Variants in CLMP observed in about 807,000 individuals in gnomAD.
CLMP encodes CXADR like cell adhesion molecule.
In CLMP, 27 loss-of-function variants were observed where a neutral mutation model predicts 45.2. That is an observed-to-expected ratio of 0.60 (90% confidence interval 0.44 to 0.82). CLMP has a LOEUF of 0.82. CLMP is among the 40% of genes least tolerant of loss of function. The pLI is 0.00. For missense variants in CLMP, 403 were observed against 448.4 expected (o/e 0.90, Z 0.91); for synonymous variants, 167 against 171.4 (o/e 0.97, Z 0.20).
rs114786978 is a variant in CLMP, at chr11:123,178,361, G to A, written c.28+16552C>T. ...ATGGTTTAAATGGGAGAATATCCAA[G>A]TGTGCATCATTCCTCACTTGGATTC... On this transcript the variant is annotated intron_variant, in intron 1 of 6. Transcript: ENST00000448775. Among the ~76,000 whole-genome samples, 633 of 152,308 alleles carry A rather than the reference G, an allele frequency of 4.2e-3. 7 individuals carry two copies. The highest frequency in any genetic ancestry group is 0.013 in the African/African-American group (551 of 41,554).
At chr11:123,078,794 G>A (rs544106990) in intron 5 of CLMP, among the ~76,000 whole-genome samples, 176 of 151,894 alleles carry the variant, frequency 1.2e-3, no homozygotes, top group African/African-American at 3.7e-3. Flanking sequence ...ACAGGTGCCT[G>A]CCACCACGCC....
chr11:123,091,564 G>A (rs12361252), intron 2 of CLMP, among the ~76,000 whole-genome samples: 43,664 of 152,056 alleles, frequency 0.29, 7,326 homozygotes, highest in African/African-American at 0.47. Flanking sequence ...GACTGTCTCC[G>A]TTATTTTGAC....
chr11:123,117,742 C>T (rs555301260), intron 1 of CLMP, among the ~76,000 whole-genome samples: 3 of 152,202 alleles, frequency 2.0e-5, no homozygotes, highest in South Asian at 4.1e-4. Context: ...CTTTCATCCG[C>T]TATAAATACA....
At position 123,145,452 on chromosome 11, in the gene CLMP, G is replaced by GTTTT. The variant is rs66487810; in HGVS notation, c.29-47504_29-47501dup. On this transcript the variant is annotated intron_variant, in intron 1 of 6. Transcript: ENST00000448775. ...CATGAGTGGGTTCAGCTCTGCGGCT[G>GTTTT]TTTTTTTTTTTTTTTTTTTTTTTTT... Among the ~76,000 whole-genome samples the GTTTT allele has an allele frequency of 2.0e-3, 121 of 61,754 alleles. 4 individuals are homozygous for GTTTT. Among genetic ancestry groups the GTTTT allele is most frequent in the African/African-American group, 7.7e-3 (110 of 14,368 alleles). The allele number at this position is 61,754 out of a possible 152,430, so 40.5% of individuals were successfully genotyped here.
intron 1 of CLMP, among the ~76,000 whole-genome samples, chr11:123,173,862 G>A (rs7937350): frequency 1.3e-5 from 2 of 152,212 alleles, no homozygotes; most frequent in East Asian, 1.9e-4. Context: ...TGGGTGGATC[G>A]CTTGAGCTCA....
At chr11:123,156,458 A>G (rs1177718222) in intron 1 of CLMP, among the ~76,000 whole-genome samples, 4 of 152,212 alleles carry the variant, frequency 2.6e-5, no homozygotes, top group African/African-American at 9.6e-5. Context: ...CGCCTAGCTA[A>G]GCTGCTTCTG....
intron 1 of CLMP, among the ~76,000 whole-genome samples, chr11:123,150,512 G>GAAGGAAAGC (rs1861313951): frequency 2.3e-5 from 3 of 128,170 alleles, no homozygotes; most frequent in Non-Finnish European, 4.9e-5. Context: ...AGGAAGGAAG[G>GAAGGAAAGC]AAGGAAGGAA....
At chr11:123,094,089 G>A (rs1315383504) in intron 2 of CLMP, among the ~76,000 whole-genome samples, 1 of 152,120 alleles carries the variant, frequency 6.6e-6, no homozygotes, top group Admixed American at 6.6e-5. Context: ...AGGCACTGAG[G>A]TCAGGGTGCC....
chr11:123,105,992 T>G (rs1396196844), intron 1 of CLMP, among the ~76,000 whole-genome samples: 1 of 152,080 alleles, frequency 6.6e-6, no homozygotes, highest in Non-Finnish European at 1.5e-5. Flanking sequence ...AATTTTTGTA[T>G]TTTTAGTAGA....
At position 123,100,738 on chromosome 11, in the gene CLMP, G is replaced by T. The variant is rs1055812431; in HGVS notation, c.29-2786C>A. Among the ~76,000 whole-genome samples the T allele has an allele frequency of 3.9e-5, 6 of 152,110 alleles. No individual in the cohort carries two copies. The South Asian group carries it at 6.3e-4, about 16-fold the overall frequency. On this transcript the variant is annotated intron_variant, in intron 1 of 6. Transcript: ENST00000448775. ...AAATGAAGCTCTTGGAAACACTTCTGTTCCATCCATTGTGCCTGGGCTAAA... is the reference window on the plus strand; with the variant it reads ...AAATGAAGCTCTTGGAAACACTTCTTTTCCATCCATTGTGCCTGGGCTAAA...
intron 1 of CLMP, among the ~76,000 whole-genome samples, chr11:123,125,527 C>T (rs1187867705): frequency 9.6e-6 from 1 of 103,932 alleles, no homozygotes; most frequent in Non-Finnish European, 2.0e-5. Flanking sequence ...CCTTCCCTTC[C>T]CTTCCCTCCC....
At chr11:123,115,492 C>G (rs1860708103) in intron 1 of CLMP, among the ~76,000 whole-genome samples, 1 of 151,986 alleles carries the variant, frequency 6.6e-6, no homozygotes. Context: ...TCAGAAACTA[C>G]ATGTCATTAA....
chr11:123,130,841 CTTTTTTT>C (rs11322192), intron 1 of CLMP, among the ~76,000 whole-genome samples: 1 of 126,282 alleles, frequency 7.9e-6, no homozygotes, highest in Admixed American at 8.4e-5. Flanking sequence ...TTTTCTTTTC[CTTTTTTT>C]TTTTTTTTTT....
At chr11:123,158,196 C>A (rs191955219) in intron 1 of CLMP, among the ~76,000 whole-genome samples, 1 of 152,322 alleles carries the variant, frequency 6.6e-6, no homozygotes, top group Non-Finnish European at 1.5e-5. Context: ...ACTGGGATCT[C>A]AGGCAAGTCA....
At chr11:123,194,830 C>A in intron 1 of CLMP, 83 bp downstream of exon 1, 2 of 1,548,234 alleles carry the variant, frequency 1.3e-6, no homozygotes, top group African/African-American at 1.4e-5. Context: ...CAGGGACACC[C>A]GGTCAGAACC....
chr11:123,075,587 C>T (rs1398602832), intron 5 of CLMP, among the ~76,000 whole-genome samples: 1 of 151,654 alleles, frequency 6.6e-6, no homozygotes, highest in Non-Finnish European at 1.5e-5. Flanking sequence ...CGGGGTTTCA[C>T]CGTGTTAGCC....
At chr11:123,173,952 G>A (rs1023206818) in intron 1 of CLMP, among the ~76,000 whole-genome samples, 1 of 152,070 alleles carries the variant, frequency 6.6e-6, no homozygotes, top group African/African-American at 2.4e-5. Context: ...GCATGGTGGT[G>A]CATACCTGTA....
At chr11:123,151,070 G>A (rs989868839) in intron 1 of CLMP, among the ~76,000 whole-genome samples, 2 of 152,132 alleles carry the variant, frequency 1.3e-5, no homozygotes, top group South Asian at 2.1e-4. Flanking sequence ...CAGGTGTTTC[G>A]GTGGCTCCTG....
intron 1 of CLMP, among the ~76,000 whole-genome samples, chr11:123,170,949 C>T (rs1347415341): frequency 6.6e-6 from 1 of 152,214 alleles, no homozygotes; most frequent in Non-Finnish European, 1.5e-5. Context: ...TCCTTAGGAT[C>T]ATATGATCTT....
Sources: allele counts gnomAD v4.1 joint callset (sites outside exome capture counted in the v4.1 genomes callset), GRCh38; gene constraint gnomAD v4.1.1; transcripts MANE v1.5; gene names NCBI Gene and HGNC (gene_info 2026-07-23, HGNC 2026-07-21).